OR2T35: variants seen among roughly 807,000 people sequenced by gnomAD.
OR2T35 encodes olfactory receptor family 2 subfamily T member 35 (gene/pseudogene).
For missense variants in OR2T35, 47 were observed against 278.8 expected (o/e 0.17, Z 5.92); for synonymous variants, 18 against 110.2 (o/e 0.16, Z 5.24).
intron 1 of OR2T35, among the ~76,000 whole-genome samples, chr1:248,644,653 G>A (rs1021979374): frequency 2.8e-5 from 4 of 141,878 alleles, no homozygotes; most frequent in Non-Finnish European, 6.2e-5. Context: ...AATGGGAGTT[G>A]TTTCAGTCAG....
Position 248,645,253 on chromosome 1 carries a change from TACA to T in OR2T35, c.-32_-30del, listed in dbSNP as rs1572110203. On this transcript the variant is annotated 5_prime_UTR_variant, in exon 1 of 2. The change abolishes an upstream ATG in the 5' untranslated region. Coordinates refer to ENST00000641268, the MANE Select transcript of OR2T35 (RefSeq NM_001001827.2). ...ATGCTACATGCCAACTTACCTAAACTACATTGTCAAGGATATCACCAATGGACT... is the reference window on the plus strand; with the variant it reads ...ATGCTACATGCCAACTTACCTAAACTTTGTCAAGGATATCACCAATGGACT... The T allele has an allele frequency of 5.7e-5, 7 of 122,380 alleles. 1 individual carries two copies. In the East Asian group the frequency reaches 1.4e-3, roughly 24 times the overall value. The allele number at this position is 122,380 out of a possible 1,614,324, so 7.6% of individuals were successfully genotyped here. A position where few individuals can be genotyped will look rare whatever the true frequency, so the allele number is the denominator to read the frequency against.
chr1:248,641,449 T>G, intron 1 of OR2T35, among the ~76,000 whole-genome samples: 1 of 23,878 alleles, frequency 4.2e-5, no homozygotes, highest in African/African-American at 6.4e-5. Context: ...CCTAAGAAAA[T>G]AACCAATTAC....
intron 1 of OR2T35, among the ~76,000 whole-genome samples, chr1:248,642,088 C>G (rs1198449331): frequency 5.0e-5 from 3 of 60,224 alleles, no homozygotes; most frequent in African/African-American, 1.2e-4. Context: ...TTTAGCATTA[C>G]GACGTGTGGT....
At position 248,641,846 on chromosome 1, in the gene OR2T35, A is replaced by G. The variant is rs570534035; in HGVS notation, c.-22-2566T>C. Among the ~76,000 whole-genome samples the G allele has an allele frequency of 5.2e-4, 43 of 82,706 alleles. 7 individuals carry two copies. In the South Asian group the frequency reaches 0.019, roughly 37 times the overall value. 54.3% of individuals were successfully genotyped at this position (82,706 alleles called of 152,430 possible). On this transcript the variant is annotated intron_variant, in intron 1 of 1. Coordinates refer to ENST00000641268, the MANE Select transcript of OR2T35 (RefSeq NM_001001827.2). Reference sequence around the variant, plus strand: ...ATATGTGTAGGGAAAAGGCCCTGCTAAAGAGCAGAACTACACTGCTTGGCA... The same window carrying G: ...ATATGTGTAGGGAAAAGGCCCTGCTGAAGAGCAGAACTACACTGCTTGGCA...
In OR2T35 at chr1:248,636,726, TTATC is replaced by T. The variant is rs71278708; in HGVS notation, c.*1557_*1560del. Reference sequence around the variant, plus strand: ...GTTAGCATATTGAAGGGAATATTCTTTATCTACGTCAGCAACAATGGAGGAAACA... The same window carrying T: ...GTTAGCATATTGAAGGGAATATTCTTTACGTCAGCAACAATGGAGGAAACA... On this transcript the variant is annotated 3_prime_UTR_variant, in exon 2 of 2. Coordinates refer to ENST00000641268, the MANE Select transcript of OR2T35 (RefSeq NM_001001827.2). 13 of 2,890 alleles carry T rather than the reference TTATC, an allele frequency of 4.5e-3. No homozygotes were observed. The highest frequency in any genetic ancestry group is 0.019 in the Non-Finnish European group (4 of 208). 0.2% of individuals were successfully genotyped at this position (2,890 alleles called of 1,614,324 possible).
chr1:248,642,230 A>AAAAGAAAAAG (rs1660795363), intron 1 of OR2T35, among the ~76,000 whole-genome samples: 1 of 52,644 alleles, frequency 1.9e-5, no homozygotes, highest in Non-Finnish European at 6.4e-5. Context: ...AAAAAAAAAA[A>AAAAGAAAAAG]AAAAAGAAAA....
intron 1 of OR2T35, among the ~76,000 whole-genome samples, chr1:248,644,950 T>A (rs1190763419): frequency 2.0e-5 from 2 of 98,040 alleles, no homozygotes; most frequent in Non-Finnish European, 4.6e-5. Flanking sequence ...TTACCTTATC[T>A]CCAGTTCTAA....
intron 1 of OR2T35, among the ~76,000 whole-genome samples, chr1:248,639,708 G>A (rs1244787927): frequency 3.3e-5 from 2 of 59,828 alleles, no homozygotes; most frequent in African/African-American, 9.6e-5. Flanking sequence ...TCTCCATCGA[G>A]ATGATTGTAC....
At chr1:248,644,826 T>TC (rs1558178270) in intron 1 of OR2T35, among the ~76,000 whole-genome samples, 2 of 140,414 alleles carry the variant, frequency 1.4e-5, no homozygotes, top group African/African-American at 2.7e-5. Context: ...ACTCCTGTAC[T>TC]CCGTCTGCTT....
At chr1:248,643,269 GCT>G (rs1660812940) in intron 1 of OR2T35, among the ~76,000 whole-genome samples, 1 of 49,868 alleles carries the variant, frequency 2.0e-5, no homozygotes, top group African/African-American at 8.4e-5. Context: ...GTGCCACATA[GCT>G]CTAAGAGTCA....
intron 1 of OR2T35, among the ~76,000 whole-genome samples, chr1:248,644,232 A>AT (rs1261267252): frequency 1.7e-5 from 1 of 58,350 alleles, no homozygotes; most frequent in Non-Finnish European, 4.7e-5. Context: ...GAGGAATACC[A>AT]TGTCAGAATT....
rs1660716537 is a variant in OR2T35, at chr1:248,637,130, A to AATGTAG, written c.*1156_*1157insCTACAT. 1 of 3,364 alleles carries AATGTAG rather than the reference A, an allele frequency of 3.0e-4. No homozygotes were observed. The highest frequency in any genetic ancestry group is 3.4e-4 in the African/African-American group (1 of 2,966). The allele number at this position is 3,364 out of a possible 1,614,324, so 0.2% of individuals were successfully genotyped here. A position where few individuals can be genotyped will look rare whatever the true frequency, so the allele number is the denominator to read the frequency against. On this transcript the variant is annotated 3_prime_UTR_variant, in exon 2 of 2. Coordinates refer to ENST00000641268, the MANE Select transcript of OR2T35 (RefSeq NM_001001827.2). ...TCCACGGGAACTAAGTTAGCTAATA[A>AATGTAG]AATGTCTTGGTTTATTCATTCTACA... is the stretch of plus-strand genomic sequence containing the variant.
chr1:248,642,230 A>AAAAAG (rs1553273947), intron 1 of OR2T35, among the ~76,000 whole-genome samples: 2 of 52,642 alleles, frequency 3.8e-5, no homozygotes, highest in African/African-American at 7.0e-5. Flanking sequence ...AAAAAAAAAA[A>AAAAAG]AAAAAGAAAA....
intron 1 of OR2T35, among the ~76,000 whole-genome samples, chr1:248,642,499 G>GGGATGAA (rs1438620179): frequency 3.2e-5 from 3 of 92,930 alleles, no homozygotes; most frequent in African/African-American, 8.6e-5. Flanking sequence ...TGAGGGATGA[G>GGGATGAA]TGAGCTCGCC....
chr1:248,638,137 T>C lies in OR2T35; in HGVS notation c.*150A>G, dbSNP rs1243543214. ...TCTTCAGAACCAATACCATATTTTC[T>C]GTAATAGCTGCGTTATTGGCCGCAG... On this transcript the variant is annotated 3_prime_UTR_variant, in exon 2 of 2. Coordinates refer to ENST00000641268, the MANE Select transcript of OR2T35 (RefSeq NM_001001827.2). 4 of 429,754 alleles carry C rather than the reference T, an allele frequency of 9.3e-6. No homozygotes were observed. Among genetic ancestry groups the C allele is most frequent in the East Asian group, 7.2e-5 (2 of 27,724 alleles). The allele number at this position is 429,754 out of a possible 1,614,324, so 26.6% of individuals were successfully genotyped here. A position where few individuals can be genotyped will look rare whatever the true frequency, so the allele number is the denominator to read the frequency against.
chr1:248,642,241 AGAAAAAG>A (rs1558177593), intron 1 of OR2T35, among the ~76,000 whole-genome samples: 16 of 102,238 alleles, frequency 1.6e-4, no homozygotes, highest in African/African-American at 4.0e-4. Context: ...AAAAAGAAAA[AGAAAAAG>A]AAAAAGCTTT....
At chr1:248,642,400 ATGGG>A (rs1298230794) in intron 1 of OR2T35, among the ~76,000 whole-genome samples, 1 of 123,656 alleles carries the variant, frequency 8.1e-6, no homozygotes, top group Non-Finnish European at 1.9e-5. Flanking sequence ...TCTGGCAGGA[ATGGG>A]AGGGTGGGAA....
At chr1:248,641,620 AAG>A (rs1467106398) in intron 1 of OR2T35, among the ~76,000 whole-genome samples, 1 of 82,616 alleles carries the variant, frequency 1.2e-5, no homozygotes, top group African/African-American at 3.0e-5. Flanking sequence ...AGGATCCCAG[AAG>A]AGGAGAGTAA....
Position 248,638,287 on chromosome 1 carries a change from C to G in OR2T35, c.972G>C (p.Ter324TyrextTer81). The G allele has an allele frequency of 8.3e-7, 1 of 1,199,336 alleles. No homozygotes were observed. The highest frequency in any genetic ancestry group is 1.2e-6 in the Non-Finnish European group (1 of 862,304). 74.3% of individuals were successfully genotyped at this position (1,199,336 alleles called of 1,614,324 possible). ...CACTCTGATACTCTGGGAGTCCCTG[C>G]TAGCCCTTCCTGATCACAGTCGCCA... ...IRVATVIRKG[*>Y] The change falls in exon 2 of 2, where the codon TAG becomes TAC. Residue 324 changes from the stop codon to tyrosine, a stop_lost. Coordinates refer to ENST00000641268, the MANE Select transcript of OR2T35 (RefSeq NM_001001827.2).
Sources: gnomAD v4.1 joint callset for allele counts (sites outside exome capture counted in the v4.1 genomes callset) on GRCh38, gnomAD v4.1.1 for gene constraint, MANE v1.5 for transcripts, NCBI Gene and HGNC (gene_info 2026-07-23, HGNC 2026-07-21) for gene names.